IL20RB: variants seen among roughly 807,000 people sequenced by gnomAD.
IL20RB encodes interleukin-20 receptor subunit beta.
In IL20RB, 21 loss-of-function variants were observed where a neutral mutation model predicts 33.3. The observed-to-expected ratio is 0.63, with a 90% CI of 0.45 to 0.91. The LOEUF is 0.91. IL20RB is among the 40% of genes least tolerant of loss of function. The pLI, the probability that IL20RB is intolerant of heterozygous loss-of-function variation, is 0.00. For synonymous variants in IL20RB, 147 were observed against 146.8 expected, an observed-to-expected ratio of 1.00 and a Z score of -0.01; for missense variants, 345 against 384.8, an observed-to-expected ratio of 0.90 and a Z score of 0.86.
At chr3:136,978,886 A>G (rs975654016) in intron 1 of IL20RB, among the ~76,000 whole-genome samples, 9 of 152,122 alleles carry the variant, frequency 5.9e-5, no homozygotes, top group Non-Finnish European at 1.0e-4. Context: ...TTTCCATTAA[A>G]ACCATCTGTG....
At chr3:136,962,332 G>A (rs746221564) in intron 1 of IL20RB, among the ~76,000 whole-genome samples, 6 of 152,156 alleles carry the variant, frequency 3.9e-5, no homozygotes, top group Admixed American at 1.3e-4. Flanking sequence ...GTAATAAGAC[G>A]TATTGATATC....
chr3:136,989,310 T>C, intron 3 of IL20RB, 131 bp from the exon 4 acceptor site: 1 of 1,014,448 alleles, frequency 9.9e-7, no homozygotes, highest in Non-Finnish European at 1.5e-6. Context: ...TCCATGAGCT[T>C]GAAGCTACAG....
chr3:136,967,210 G>T (rs1941375634), intron 1 of IL20RB, among the ~76,000 whole-genome samples: 1 of 151,962 alleles, frequency 6.6e-6, no homozygotes, highest in Middle Eastern at 3.4e-3. Flanking sequence ...ATTTCTATTA[G>T]GTCTGCTTGT....
At chr3:136,962,462 T>C in intron 1 of IL20RB, among the ~76,000 whole-genome samples, 1 of 152,006 alleles carries the variant, frequency 6.6e-6, no homozygotes, top group East Asian at 1.9e-4. Flanking sequence ...TTCTAAAAAA[T>C]GTCAAGGTCG....
At chr3:136,966,214 A>G (rs1462168771) in intron 1 of IL20RB, among the ~76,000 whole-genome samples, 1 of 140,474 alleles carries the variant, frequency 7.1e-6, no homozygotes, top group Non-Finnish European at 1.5e-5. Flanking sequence ...GCCTCATAAA[A>G]TGAGTTAGGG....
At chr3:136,959,996 A>C (rs886492015) in intron 1 of IL20RB, among the ~76,000 whole-genome samples, 4 of 152,180 alleles carry the variant, frequency 2.6e-5, no homozygotes, top group African/African-American at 9.6e-5. Flanking sequence ...TGGTATCAGT[A>C]GATAATTGCT....
intron 1 of IL20RB, among the ~76,000 whole-genome samples, chr3:136,958,760 G>A (rs1445594097): frequency 6.6e-6 from 1 of 152,090 alleles, no homozygotes; most frequent in Admixed American, 6.5e-5. Flanking sequence ...TCCACTCCTG[G>A]TTGCTTGTAC....
rs780386943 is a variant in IL20RB at position 136,991,922 on chromosome 3, T to G, written c.532-16T>G. On this transcript the variant is annotated splice_polypyrimidine_tract_variant and intron_variant, in intron 4 of 6. Transcript: ENST00000329582. ...ACCGCACTTGGCCAATAACTGTGTT[T>G]TCTGGTCTGTCAAAGGAACATGTCA... is the stretch of plus-strand genomic sequence containing the variant. 3.7e-6 allele frequency: 6 copies of G among 1,612,204 alleles called. No homozygotes were observed. In the South Asian group the frequency reaches 6.6e-5, roughly 18 times the overall value.
At chr3:136,962,063 T>C (rs540347477) in intron 1 of IL20RB, among the ~76,000 whole-genome samples, 7 of 152,192 alleles carry the variant, frequency 4.6e-5, no homozygotes, top group Non-Finnish European at 1.5e-5. Flanking sequence ...AAATAAATGG[T>C]GGAGAAGGAA....
At chr3:136,989,340 A>G (rs1310254077) in intron 3 of IL20RB, 101 bp from the exon 4 acceptor site, 1 of 1,369,718 alleles carries the variant, frequency 7.3e-7, no homozygotes, top group Non-Finnish European at 1.0e-6. Context: ...TTCCTCTCCT[A>G]CGGAGACGGA....
chr3:137,003,486 A>T (rs1193578474), intron 6 of IL20RB, among the ~76,000 whole-genome samples: 2 of 152,166 alleles, frequency 1.3e-5, no homozygotes, highest in Non-Finnish European at 2.9e-5. Context: ...GGTCCTTCAC[A>T]TCCCTTGTAA....
At chr3:137,006,683 AG>A (rs1183021296) in intron 6 of IL20RB, among the ~76,000 whole-genome samples, 1 of 152,048 alleles carries the variant, frequency 6.6e-6, no homozygotes, top group Non-Finnish European at 1.5e-5. Flanking sequence ...TCTTTTTTCA[AG>A]GTTTTTAGCT....
At chr3:136,991,806 C>T (rs1942037227) in intron 4 of IL20RB, 132 bp from the exon 5 acceptor site, 2 of 770,814 alleles carry the variant, frequency 2.6e-6, no homozygotes, top group Non-Finnish European at 2.0e-6. Context: ...TGGGGTGTTT[C>T]ACCATGTTGG....
chr3:136,994,353 C>T (rs181142830), intron 5 of IL20RB, among the ~76,000 whole-genome samples: 18 of 152,304 alleles, frequency 1.2e-4, no homozygotes, highest in African/African-American at 4.1e-4. Context: ...GCTTATTTCA[C>T]ATTGCATGCC....
intron 6 of IL20RB, among the ~76,000 whole-genome samples, chr3:137,009,036 C>G (rs1042711110): frequency 6.6e-6 from 1 of 152,208 alleles, no homozygotes; most frequent in East Asian, 1.9e-4. Flanking sequence ...CACACTAACA[C>G]CCCCGCTTAG....
chr3:136,972,716 A>T (rs1015394499), intron 1 of IL20RB, among the ~76,000 whole-genome samples: 3 of 151,766 alleles, frequency 2.0e-5, no homozygotes, highest in African/African-American at 7.3e-5. Flanking sequence ...TTTTAAGATT[A>T]ACTTTGTTAA....
At chr3:136,970,157 A>G (rs550435189) in intron 1 of IL20RB, among the ~76,000 whole-genome samples, 8 of 152,082 alleles carry the variant, frequency 5.3e-5, no homozygotes, top group African/African-American at 1.9e-4. Flanking sequence ...CAATGCCTCA[A>G]TCACAGCTCA....
rs1941989505 is a variant in IL20RB at position 136,989,529 on chromosome 3, C to T, written c.495C>T (p.Phe165=). 6.2e-7 allele frequency: 1 copy of T among 1,613,872 alleles called. No homozygotes were observed. Among genetic ancestry groups the T allele is most frequent in the African/African-American group, 1.3e-5 (1 of 74,914 alleles). The change falls in exon 4 of 7, where the codon TTC becomes TTT. Residue 165 remains phenylalanine, a synonymous_variant. Coordinates refer to ENST00000329582, the MANE Select transcript of IL20RB (RefSeq NM_144717.4). ...ELEDLGPQFE[F]LVAYWRREPG... ...AGGACCTGGGGCCCCAGTTTGAGTTCCTTGTGGCCTACTGGAGGAGGGAGC... is the reference window on the plus strand; with the variant it reads ...AGGACCTGGGGCCCCAGTTTGAGTTTCTTGTGGCCTACTGGAGGAGGGAGC...
intron 3 of IL20RB, among the ~76,000 whole-genome samples, chr3:136,984,540 T>C (rs547697845): frequency 6.6e-6 from 1 of 151,874 alleles, no homozygotes; most frequent in Non-Finnish European, 1.5e-5. Context: ...GGAAGAAGGT[T>C]TGGGGCAGAA....
Sources: gnomAD v4.1 joint callset for allele counts (sites outside exome capture counted in the v4.1 genomes callset) on GRCh38, gnomAD v4.1.1 for gene constraint, MANE v1.5 for transcripts, NCBI Gene and HGNC (gene_info 2026-07-23, HGNC 2026-07-21) for gene names.